The following SLC6A20 variants were observed in gnomAD, a reference collection of about 807,000 sequenced individuals.
The protein encoded by SLC6A20 is sodium- and chloride-dependent transporter XTRP3.
A neutral mutation model predicts 64.3 loss-of-function variants in SLC6A20; 73 were observed. The observed-to-expected ratio is 1.14, with a 90% CI of 0.94 to 1.38. SLC6A20 has a LOEUF of 1.38. SLC6A20 is among the 40% of genes most tolerant of loss of function. SLC6A20 has a pLI of 0.00. For synonymous variants in SLC6A20, 347 were observed against 329.6 expected (o/e 1.05, Z -0.57); for missense variants, 725 against 772.8 (o/e 0.94, Z 0.73).
At chr3:45,778,865 G>C (rs1308174207) in intron 3 of SLC6A20, among the ~76,000 whole-genome samples, 1 of 152,174 alleles carries the variant, frequency 6.6e-6, no homozygotes, top group African/African-American at 2.4e-5. Context: ...GTTGAACCAG[G>C]GAAAGAAGGA....
chr3:45,761,806 T>C (rs1266172088), intron 9 of SLC6A20, among the ~76,000 whole-genome samples: 2 of 152,198 alleles, frequency 1.3e-5, no homozygotes, highest in African/African-American at 4.8e-5. Flanking sequence ...TTTAAGATTC[T>C]GAGAAGTCCT....
intron 7 of SLC6A20, among the ~76,000 whole-genome samples, chr3:45,766,315 C>A (rs1216982247): frequency 6.6e-6 from 1 of 152,252 alleles, no homozygotes; most frequent in African/African-American, 2.4e-5. Flanking sequence ...TGCGTACTCT[C>A]TGGCTACCCA....
chr3:45,782,095 G>T lies in SLC6A20; in HGVS notation c.250C>A (p.Leu84Ile). The T allele has an allele frequency of 6.2e-7, 1 of 1,611,304 alleles. No homozygotes were observed. Residue 84 changes from leucine to isoleucine, a missense_variant, in exon 2 of 11, where the codon CTC becomes ATC. By Grantham distance (5) the Leu-to-Ile change is conservative. Transcript: ENST00000358525. The part of the protein sequence containing the change: ...IGAWRTISPY[L>I]SGVGVASVVV... ...GGGCCCCACGTACCGACACCACTGA[G>T]GTACGGGCTGATGGTCCTCCAGGCG...
chr3:45,759,878 A>C lies in SLC6A20; in HGVS notation c.1608T>G (p.Tyr536Ter). 1 of 1,613,958 alleles carries C rather than the reference A, an allele frequency of 6.2e-7. No homozygotes were observed. The highest frequency in any genetic ancestry group is 1.1e-5 in the South Asian group (1 of 91,066). ...ATACCTGGGAGGCGTCCCAGGCTTG[A>C]TACTTCAGGGTCCCCGTGAGGATGT... ...SDYILTGTLKYQAWDASQGQL... is the reference protein window; with the variant it reads ...SDYILTGTLK Residue 536 changes from tyrosine (Y) to a stop codon, truncating the protein, a stop_gained, in exon 10 of 11, where the codon TAT becomes TAG. Transcript: ENST00000358525. LOFTEE classifies it low-confidence loss of function (END_TRUNC).
rs1553662799 is a variant in SLC6A20, at chr3:45,775,797, G to T, written c.546C>A (p.Tyr182Ter). 6.2e-7 allele frequency: 1 copy of T among 1,614,044 alleles called. No homozygotes were observed. Among genetic ancestry groups the T allele is most frequent in the Non-Finnish European group, 8.5e-7 (1 of 1,179,970 alleles). ...LCLLLAWLVVYLCILRGTEST... is the reference protein window; with the variant it reads ...LCLLLAWLVV Reference sequence around the variant, plus strand: ...ACTCGGTGCCACGCAGGATGCACAGGTACACCACCAGCCAGGCCAGGAGGA... The same window carrying T: ...ACTCGGTGCCACGCAGGATGCACAGTTACACCACCAGCCAGGCCAGGAGGA... The change falls in exon 4 of 11, where the codon TAC becomes TAA. Residue 182 changes from tyrosine (Y) to a stop codon, truncating the protein, a stop_gained. Coordinates refer to ENST00000358525, the MANE Select transcript of SLC6A20 (RefSeq NM_020208.4). LOFTEE classifies it high-confidence loss of function.
chr3:45,759,064 A>C lies in SLC6A20; in HGVS notation c.1693T>G (p.Ser565Ala), dbSNP rs768321947. Residue 565 changes from serine (S) to alanine (A), a missense_variant, in exon 11 of 11, where the codon TCC becomes GCC. Coordinates refer to ENST00000358525, the MANE Select transcript of SLC6A20 (RefSeq NM_020208.4). Reference protein sequence around the residue: ...ALAVIGLLVASSTMCIPLAAL... With the variant: ...ALAVIGLLVAASTMCIPLAAL... ...GCCAGGGGGATGCACATGGTGGAGGAGGCCACAAGCAGCCCGATGACAGCC... is the reference window on the plus strand; with the variant it reads ...GCCAGGGGGATGCACATGGTGGAGGCGGCCACAAGCAGCCCGATGACAGCC... The C allele has an allele frequency of 5.0e-6, 8 of 1,612,952 alleles. No individual in the cohort carries two copies. The highest frequency in any genetic ancestry group is 2.7e-5 in the African/African-American group (2 of 74,840).
Position 45,764,511 on chromosome 3 carries a change from T to A in SLC6A20, c.1303+1026A>T, listed in dbSNP as rs139893115. Among the ~76,000 whole-genome samples, 707 of 152,264 alleles carry A rather than the reference T, an allele frequency of 4.6e-3. 5 individuals are homozygous for A. Among genetic ancestry groups the A allele is most frequent in the African/African-American group, 0.016 (672 of 41,550 alleles). On this transcript the variant is annotated intron_variant, in intron 8 of 10. Coordinates refer to ENST00000358525, the MANE Select transcript of SLC6A20 (RefSeq NM_020208.4). ...TGAGGTCAGGAGTTTGAGACCAGCC[T>A]GGCCAACACGGGGAAACCCCATCTT... is the stretch of plus-strand genomic sequence containing the variant.
chr3:45,785,987 C>A (rs1159381606), intron 1 of SLC6A20, among the ~76,000 whole-genome samples: 1 of 152,186 alleles, frequency 6.6e-6, no homozygotes, highest in Non-Finnish European at 1.5e-5. Context: ...GGGAGACCAG[C>A]CAGCTCAGCA....
intron 3 of SLC6A20, among the ~76,000 whole-genome samples, chr3:45,778,155 G>A (rs1018585445): frequency 1.3e-5 from 2 of 152,238 alleles, no homozygotes; most frequent in Admixed American, 6.5e-5. Context: ...GAGAAGGGCT[G>A]GACACAAGGC....
At position 45,796,506 on chromosome 3, in the gene SLC6A20, C is replaced by T; in HGVS notation, c.-87G>A. Reference sequence around the variant, plus strand: ...GGTCGCCAGGCGCGCCGTCCCACCCCGGCTCGGCTTGGGGGTGGCCCCGCG... The same window carrying T: ...GGTCGCCAGGCGCGCCGTCCCACCCTGGCTCGGCTTGGGGGTGGCCCCGCG... On this transcript the variant is annotated 5_prime_UTR_variant, in exon 1 of 11. Coordinates refer to ENST00000358525, the MANE Select transcript of SLC6A20 (RefSeq NM_020208.4). 7.1e-7 allele frequency: 1 copy of T among 1,416,432 alleles called. No individual in the cohort carries two copies. Among genetic ancestry groups the T allele is most frequent in the Non-Finnish European group, 9.3e-7 (1 of 1,073,352 alleles). The allele number at this position is 1,416,432 out of a possible 1,614,324, so 87.7% of individuals were successfully genotyped here.
chr3:45,788,703 A>G (rs1324245963), intron 1 of SLC6A20, among the ~76,000 whole-genome samples: 13 of 152,240 alleles, frequency 8.5e-5, no homozygotes, highest in Non-Finnish European at 1.2e-4. Context: ...AACAACAGAA[A>G]AGCATCTATA....
chr3:45,776,043 G>T, intron 3 of SLC6A20, 55 bp from the exon 4 acceptor site: 1 of 1,550,976 alleles, frequency 6.4e-7, no homozygotes, highest in Non-Finnish European at 8.9e-7. Flanking sequence ...GACAAAGGCT[G>T]TGGCAGGGGT....
chr3:45,790,364 C>A (rs1354121019), intron 1 of SLC6A20: 1 of 152,038 alleles, frequency 6.6e-6, no homozygotes, highest in Admixed American at 6.5e-5. Flanking sequence ...ACCGAGCACA[C>A]CAGGGGATGC....
In SLC6A20 at chr3:45,779,858, G is replaced by T; in HGVS notation, c.354+151C>A. On this transcript the variant is annotated intron_variant, in intron 3 of 10. Transcript: ENST00000358525. ...AGAAGCCCTTCACGTGGTTTGGGGT[G>T]CATGGCTTCCCCTCCACCTCACACC... 5 of 782,728 alleles carry T rather than the reference G, an allele frequency of 6.4e-6. No individual in the cohort carries two copies. In the Admixed American group the frequency reaches 1.3e-4, roughly 20 times the overall value. 48.5% of individuals were successfully genotyped at this position (782,728 alleles called of 1,614,324 possible).
chr3:45,762,606 G>A (rs577492879), intron 9 of SLC6A20, among the ~76,000 whole-genome samples: 1 of 152,378 alleles, frequency 6.6e-6, no homozygotes, highest in Admixed American at 6.5e-5. Flanking sequence ...AGAGCATCCA[G>A]TGCCTGGAGG....
chr3:45,759,824 G>T (rs1396978111), intron 10 of SLC6A20, 33 bp downstream of exon 10: 4 of 1,581,618 alleles, frequency 2.5e-6, no homozygotes, highest in Non-Finnish European at 3.4e-6. Flanking sequence ...GGCCATGGGG[G>T]CCCAGCGCCA....
chr3:45,783,503 A>G (rs72893639), intron 1 of SLC6A20, among the ~76,000 whole-genome samples: 5,909 of 152,336 alleles, frequency 0.039, 391 homozygotes, highest in African/African-American at 0.13. Context: ...AAAGAGCTGC[A>G]TGATGTTCTG....
Position 45,762,825 on chromosome 3 carries a change from T to A in SLC6A20, c.1463+88A>T. The A allele has an allele frequency of 2.0e-6, 3 of 1,517,576 alleles. No homozygotes were observed. In the South Asian group the frequency reaches 3.6e-5, roughly 18 times the overall value. The allele number at this position is 1,517,576 out of a possible 1,614,324, so 94.0% of individuals were successfully genotyped here. On this transcript the variant is annotated intron_variant, in intron 9 of 10. Transcript: ENST00000358525. ...GAAGCTTAAAGAAGAGGTGAAGATG[T>A]GCATCAAGAAACAGCTGTTTTCCTT...
Position 45,796,534 on chromosome 3 carries a change from T to TCCGC in SLC6A20, c.-116_-115insGCGG. 1 of 1,078,538 alleles carries TCCGC rather than the reference T, an allele frequency of 9.3e-7. No homozygotes were observed. The highest frequency in any genetic ancestry group is 1.2e-6 in the Non-Finnish European group (1 of 814,848). 66.8% of individuals were successfully genotyped at this position (1,078,538 alleles called of 1,614,324 possible). A position where few individuals can be genotyped will look rare whatever the true frequency, so the allele number is the denominator to read the frequency against. The stretch of plus-strand genomic sequence containing the variant: ...CTCGGCTTGGGGGTGGCCCCGCGCC[T>TCCGC]CCGCCGCCGACGCAGCTAGCTGGTT... On this transcript the variant is annotated 5_prime_UTR_variant, in exon 1 of 11. Coordinates refer to ENST00000358525, the MANE Select transcript of SLC6A20 (RefSeq NM_020208.4).
Sources: gnomAD v4.1 joint callset for allele counts (sites outside exome capture counted in the v4.1 genomes callset) on GRCh38, gnomAD v4.1.1 for gene constraint, MANE v1.5 for transcripts, NCBI Gene and HGNC (gene_info 2026-07-23, HGNC 2026-07-21) for gene names.